TFRC: variants seen among roughly 807,000 people sequenced by gnomAD.
The protein encoded by TFRC is transferrin receptor protein 1.
TFRC carries 35 observed loss-of-function variants against 85.8 expected under a neutral mutation model. That is an observed-to-expected ratio of 0.41 (90% CI 0.31 to 0.54). The LOEUF is 0.54. TFRC is among the 20% of genes least tolerant of loss of function. TFRC has a pLI of 0.31. For synonymous variants in TFRC, 362 were observed against 328.6 expected, an observed-to-expected ratio of 1.10 and a Z score of -1.10; for missense variants, 828 against 921.5, an observed-to-expected ratio of 0.90 and a Z score of 1.31.
Position 196,072,068 on chromosome 3 carries a change from A to G in TFRC, c.519T>C (p.Phe173=). The G allele has an allele frequency of 6.2e-7, 1 of 1,614,178 alleles. No individual in the cohort carries two copies. The highest frequency in any genetic ancestry group is 8.5e-7 in the Non-Finnish European group (1 of 1,180,040). ...ENLALYVENQ[F]REFKLSKVWR... The stretch of plus-strand genomic sequence containing the variant: ...AGACTTTGCTGAGTTTAAATTCACG[A>G]AATTGATTTTCAACATACAACGCAA... Residue 173 remains phenylalanine (F), a synonymous_variant, in exon 5 of 19, where the codon TTT becomes TTC. Transcript: ENST00000360110.
chr3:196,064,305 C>CT lies in TFRC; in HGVS notation c.1318+3dup. 1 of 1,606,056 alleles carries CT rather than the reference C, an allele frequency of 6.2e-7. No individual in the cohort carries two copies. Among genetic ancestry groups the CT allele is most frequent in the South Asian group, 1.1e-5 (1 of 89,524 alleles). On this transcript the variant is annotated splice_donor_region_variant and intron_variant, in intron 11 of 18. Transcript: ENST00000360110. ...ATTCAAAAGAATCAAAATTTGTACT[C>CT]TACCTTTTAAGACCATATCTGAGAA... is the stretch of plus-strand genomic sequence containing the variant.
intron 12 of TFRC, 42 bp from the exon 13 acceptor site, chr3:196,062,687 A>G (rs1476417371): frequency 2.5e-6 from 4 of 1,578,738 alleles, no homozygotes; most frequent in South Asian, 2.3e-5. Flanking sequence ...AAATCTGTTT[A>G]TTTATCACAT....
rs9990392 is a variant in TFRC at position 196,071,651 on chromosome 3, C to T, written c.585-153G>A. Among the ~76,000 whole-genome samples the T allele has an allele frequency of 0.47, 72,130 of 152,156 alleles. 19,076 individuals are homozygous for T. The highest frequency in any genetic ancestry group is 0.61 in the Non-Finnish European group (41,344 of 67,996). On this transcript the variant is annotated intron_variant, in intron 5 of 18. Coordinates refer to ENST00000360110, the MANE Select transcript of TFRC (RefSeq NM_001128148.3). ...ATTTTAAAAGCCTTTGGGCCGCATGCGGTGGCTCACGCCTGTAATCCCAGC... is the reference window on the plus strand; with the variant it reads ...ATTTTAAAAGCCTTTGGGCCGCATGTGGTGGCTCACGCCTGTAATCCCAGC...
chr3:196,073,533 T>C (rs1474157542), intron 4 of TFRC, among the ~76,000 whole-genome samples: 1 of 151,970 alleles, frequency 6.6e-6, no homozygotes, highest in East Asian at 1.9e-4. Flanking sequence ...ATCAAGGAGA[T>C]GAAAAAGGCT....
intron 11 of TFRC, 139 bp from the exon 12 acceptor site, chr3:196,063,078 GA>G (rs41297453): frequency 5.5e-4 from 260 of 470,376 alleles, no homozygotes; most frequent in African/African-American, 9.5e-4. Flanking sequence ...AGCCAAAAAA[GA>G]AAAAAAAAAC....
intron 10 of TFRC, among the ~76,000 whole-genome samples, chr3:196,064,761 T>TAC (rs1717574078): frequency 6.6e-6 from 1 of 152,238 alleles, no homozygotes; most frequent in African/African-American, 2.4e-5. Flanking sequence ...GCCCATTCAC[T>TAC]ACGCACAGTC....
chr3:196,071,677 A>G (rs1304765964), intron 5 of TFRC, among the ~76,000 whole-genome samples, 179 bp from the exon 6 acceptor site: 1 of 152,226 alleles, frequency 6.6e-6, no homozygotes, highest in Non-Finnish European at 1.5e-5. Context: ...TAATCCCAGC[A>G]CTTTGGGAGG....
intron 1 of TFRC, 53 bp from the exon 2 acceptor site, chr3:196,077,175 T>A: frequency 7.6e-7 from 1 of 1,314,986 alleles, no homozygotes. Context: ...ATCAGATTAG[T>A]GAGCTTTCTA....
intron 5 of TFRC, 59 bp from the exon 6 acceptor site, chr3:196,071,557 C>T: frequency 1.3e-6 from 2 of 1,483,296 alleles, no homozygotes; most frequent in Non-Finnish European, 9.4e-7. Flanking sequence ...AACACAATAG[C>T]TTACATTTAG....
Position 196,069,493 on chromosome 3 carries a change from C to T in TFRC, c.763G>A (p.Val255Met), listed in dbSNP as rs771974048. The T allele has an allele frequency of 1.2e-5, 19 of 1,613,274 alleles. No individual in the cohort carries two copies. The highest frequency in any genetic ancestry group is 1.6e-5 in the Non-Finnish European group (19 of 1,179,568). Residue 255 changes from valine to methionine, a missense_variant, in exon 7 of 19, where the codon GTG becomes ATG. By Grantham distance (21) the Val-to-Met change is conservative. Transcript: ENST00000360110. ...GTGATTTTCCCTGCTCTGACAATCACTATAGATCCATTCACAGGAGTGTAT... is the reference window on the plus strand; with the variant it reads ...GTGATTTTCCCTGCTCTGACAATCATTATAGATCCATTCACAGGAGTGTAT... ...DLYTPVNGSI[V>M]IVRAGKITFA...
At position 196,050,160 on chromosome 3, in the gene TFRC, T is replaced by C. The variant is rs900565666; in HGVS notation, c.*1782A>G. On this transcript the variant is annotated 3_prime_UTR_variant, in exon 19 of 19. Coordinates refer to ENST00000360110, the MANE Select transcript of TFRC (RefSeq NM_001128148.3). Reference sequence around the variant, plus strand: ...TTAAAACTTGTCCGCACTAAGTTTATAGGAGGTAACATGCAAATAATGTGA... The same window carrying C: ...TTAAAACTTGTCCGCACTAAGTTTACAGGAGGTAACATGCAAATAATGTGA... The C allele has an allele frequency of 5.2e-5, 12 of 229,472 alleles. No homozygotes were observed. Among genetic ancestry groups the C allele is most frequent in the Non-Finnish European group, 9.5e-5 (11 of 115,804 alleles). The allele number at this position is 229,472 out of a possible 1,614,324, so 14.2% of individuals were successfully genotyped here.
At chr3:196,077,479 G>A (rs1718803898) in intron 1 of TFRC, among the ~76,000 whole-genome samples, 1 of 151,774 alleles carries the variant, frequency 6.6e-6, no homozygotes, top group South Asian at 2.1e-4. Context: ...CTGCTGGGCG[G>A]GGTGGCTCAC....
chr3:196,077,608 C>T (rs966829419), intron 1 of TFRC, among the ~76,000 whole-genome samples: 1 of 151,916 alleles, frequency 6.6e-6, no homozygotes, highest in Non-Finnish European at 1.5e-5. Flanking sequence ...AAAAATTAGC[C>T]GGACGTGGTG....
rs765563306 is a variant in TFRC at position 196,058,295 on chromosome 3, A to G, written c.1666T>C (p.Cys556Arg). The G allele has an allele frequency of 6.2e-7, 1 of 1,613,978 alleles. No homozygotes were observed. Among genetic ancestry groups the G allele is most frequent in the Admixed American group, 1.7e-5 (1 of 59,992 alleles). ...AYSGIPAVSF[C>R]FCEDTDYPYL... ...ATGAACAGACTTACCTCGCAAAAAC[A>G]GAAAGAAACTGCTGGGATTCCAGAA... The change falls in exon 16 of 19, where the codon TGT becomes CGT. Residue 556 changes from cysteine (C) to arginine (R), a missense_variant. Cys to Arg is a radical substitution (Grantham distance 180). Transcript: ENST00000360110.
intron 2 of TFRC, among the ~76,000 whole-genome samples, chr3:196,076,194 T>A (rs949472544): frequency 6.6e-6 from 1 of 151,982 alleles, no homozygotes; most frequent in South Asian, 2.1e-4. Flanking sequence ...AAGAGAGAAT[T>A]GAGGTCTAGA....
intron 1 of TFRC, among the ~76,000 whole-genome samples, chr3:196,077,996 C>T (rs996298818): frequency 1.3e-5 from 2 of 152,116 alleles, no homozygotes; most frequent in Non-Finnish European, 2.9e-5. Flanking sequence ...CTGTTCAAGG[C>T]TGAAAATTGA....
rs539568961 is a variant in TFRC at position 196,061,485 on chromosome 3, C to A, written c.1468+1097G>T. On this transcript the variant is annotated intron_variant, in intron 13 of 18. Coordinates refer to ENST00000360110, the MANE Select transcript of TFRC (RefSeq NM_001128148.3). ...CCCCAAGGGTTGCCAAAAAAAAAGC[C>A]CAGTTTTTTTGTTTGTTTTTTTGAG... Among the ~76,000 whole-genome samples the A allele has an allele frequency of 1.5e-4, 23 of 152,086 alleles. 1 individual carries two copies. The South Asian group carries it at 4.8e-3, about 32-fold the overall frequency.
chr3:196,064,085 C>G (rs897541163), intron 11 of TFRC, among the ~76,000 whole-genome samples: 1 of 152,210 alleles, frequency 6.6e-6, no homozygotes, highest in African/African-American at 2.4e-5. Context: ...AGTAACTCCA[C>G]TGTCTCAAAG....
intron 13 of TFRC, among the ~76,000 whole-genome samples, chr3:196,060,907 G>A (rs1717228321): frequency 6.6e-6 from 1 of 150,942 alleles, no homozygotes; most frequent in South Asian, 2.1e-4. Context: ...CCACACATGT[G>A]CAGCCTCCCC....
Sources: allele counts gnomAD v4.1 joint callset (sites outside exome capture counted in the v4.1 genomes callset), GRCh38; gene constraint gnomAD v4.1.1; transcripts MANE v1.5; gene names NCBI Gene and HGNC (gene_info 2026-07-23, HGNC 2026-07-21).